The following PTBP3 variants were observed in gnomAD, a reference collection of about 807,000 sequenced individuals.
The protein encoded by PTBP3 is polypyrimidine tract binding protein 3.
In PTBP3, 20 loss-of-function variants were observed where a neutral mutation model predicts 58.7. The observed-to-expected ratio is 0.34, with a 90% CI of 0.24 to 0.50. PTBP3 has a LOEUF of 0.50. PTBP3 is among the 20% of genes least tolerant of loss of function. PTBP3 has a pLI of 0.98. For missense variants in PTBP3, 509 were observed against 637.2 expected, an observed-to-expected ratio of 0.80 and a Z score of 2.17; for synonymous variants, 185 against 219.8, an observed-to-expected ratio of 0.84 and a Z score of 1.40.
intron 12 of PTBP3, 118 bp downstream of exon 12, chr9:112,227,293 A>G: frequency 9.8e-7 from 1 of 1,018,136 alleles, no homozygotes; most frequent in Non-Finnish European, 1.5e-6. Flanking sequence ...GTCTTATCAG[A>G]AACTGTTGAC....
Position 112,220,147 on chromosome 9 carries a change from G to A in PTBP3, c.*3704C>T, listed in dbSNP as rs765379407. 3.8e-6 allele frequency: 5 copies of A among 1,308,802 alleles called. No individual in the cohort carries two copies. Among genetic ancestry groups the A allele is most frequent in the South Asian group, 1.2e-5 (1 of 82,146 alleles). 81.1% of individuals were successfully genotyped at this position (1,308,802 alleles called of 1,614,324 possible). A position where few individuals can be genotyped will look rare whatever the true frequency, so the allele number is the denominator to read the frequency against. ...ACACATTAGGTTTTCTAAGGGATAG[G>A]TGGGGAAAAACACATGTACTTTTGT... On this transcript the variant is annotated 3_prime_UTR_variant, in exon 14 of 14. Transcript: ENST00000374257.
At chr9:112,354,826 T>C in the PTBP3 span, among the ~76,000 whole-genome samples, 341 of 152,266 alleles carry the variant, frequency 2.2e-3, no homozygotes, top group Non-Finnish European at 3.2e-3. Context: ...AACTAGAAGA[T>C]AAAAAAGAGC....
intron 1 of PTBP3, among the ~76,000 whole-genome samples, chr9:112,321,539 AAAAG>A (rs1383064183): frequency 4.6e-5 from 7 of 151,322 alleles, no homozygotes; most frequent in Non-Finnish European, 1.0e-4. Flanking sequence ...AAAAAAAAAA[AAAAG>A]AAAGAAAGAA....
intron 2 of PTBP3, chr9:112,281,437 T>A (rs1032805089): frequency 6.6e-6 from 1 of 152,260 alleles, no homozygotes; most frequent in Non-Finnish European, 1.5e-5. Flanking sequence ...TGTACTCTGC[T>A]CTCACACTGC....
At chr9:112,299,723 C>T (rs1009227042) in intron 1 of PTBP3, among the ~76,000 whole-genome samples, 1 of 152,172 alleles carries the variant, frequency 6.6e-6, no homozygotes, top group East Asian at 1.9e-4. Context: ...TCCCTCCCCC[C>T]ATTGACAACA....
chr9:112,227,165 C>G (rs539264536), intron 12 of PTBP3, among the ~76,000 whole-genome samples: 1 of 152,116 alleles, frequency 6.6e-6, no homozygotes, highest in Non-Finnish European at 1.5e-5. Context: ...CCTTTGATCA[C>G]TGAAAAATAA....
the PTBP3 span, among the ~76,000 whole-genome samples, chr9:112,352,288 G>A: frequency 6.6e-6 from 1 of 152,062 alleles, no homozygotes; most frequent in Non-Finnish European, 1.5e-5. Flanking sequence ...ATTGTTACTG[G>A]AATTAAGGTT....
chr9:112,332,400 C>T (rs1367437140), intron 1 of PTBP3, among the ~76,000 whole-genome samples: 1 of 152,080 alleles, frequency 6.6e-6, no homozygotes, highest in African/African-American at 2.4e-5. Context: ...AATAGCATAT[C>T]ATCAACTGTA....
At chr9:112,310,336 A>G (rs1208550386) in intron 1 of PTBP3, among the ~76,000 whole-genome samples, 1 of 152,216 alleles carries the variant, frequency 6.6e-6, no homozygotes, top group Non-Finnish European at 1.5e-5. Flanking sequence ...TGAAGACAGC[A>G]TATTGAATAT....
At chr9:112,260,928 G>A (rs539129032) in intron 5 of PTBP3, among the ~76,000 whole-genome samples, 5 of 152,322 alleles carry the variant, frequency 3.3e-5, no homozygotes, top group African/African-American at 1.2e-4. Flanking sequence ...TTGTTACTGT[G>A]GTTAGGGAGA....
Position 112,305,358 on chromosome 9 carries a change from T to C in PTBP3, c.-51-7442A>G, listed in dbSNP as rs976564308. On this transcript the variant is annotated intron_variant, in intron 1 of 13. Coordinates refer to ENST00000374257, the MANE Select transcript of PTBP3 (RefSeq NM_001163788.4). ...GAAAGATCGACAATGTGATTTAGGG[T>C]AGGAGCTTTGGGTCACACCTGAAGG... Among the ~76,000 whole-genome samples the C allele has an allele frequency of 3.3e-5, 5 of 150,976 alleles. No individual in the cohort carries two copies. The East Asian group carries it at 9.7e-4, about 29-fold the overall frequency.
chr9:112,277,186 A>G (rs1045885468), intron 2 of PTBP3, among the ~76,000 whole-genome samples: 2 of 152,112 alleles, frequency 1.3e-5, no homozygotes, highest in Non-Finnish European at 2.9e-5. Context: ...CTTGCTCCCA[A>G]ATTCTCTATG....
At chr9:112,379,841 G>A in the PTBP3 span, 2 of 509,116 alleles carry the variant, frequency 3.9e-6, no homozygotes, top group Non-Finnish European at 6.9e-6. Flanking sequence ...CTGCCCAGAC[G>A]CTAGGCGCCG....
intron 7 of PTBP3, among the ~76,000 whole-genome samples, chr9:112,235,165 G>A (rs1027453818): frequency 1.3e-5 from 2 of 151,984 alleles, no homozygotes; most frequent in Admixed American, 6.6e-5. Context: ...CTTATTTAGA[G>A]CAATATTTCA....
chr9:112,320,291 A>AAAAAAAAATATATATATATAT (rs1411646280), intron 1 of PTBP3, among the ~76,000 whole-genome samples: 1 of 73,566 alleles, frequency 1.4e-5, no homozygotes, highest in African/African-American at 9.0e-5. Flanking sequence ...AAAAAAAAAA[A>AAAAAAAAATATATATATATAT]ATATATATAT....
chr9:112,364,628 GTC>G, the PTBP3 span, among the ~76,000 whole-genome samples: 1 of 152,130 alleles, frequency 6.6e-6, no homozygotes, highest in African/African-American at 2.4e-5. Context: ...GCAAGACCCT[GTC>G]TCTATTTTTA....
intron 1 of PTBP3, among the ~76,000 whole-genome samples, chr9:112,321,843 CCA>C (rs1250743150): frequency 6.6e-6 from 1 of 152,024 alleles, no homozygotes; most frequent in Non-Finnish European, 1.5e-5. Flanking sequence ...GAACCCTACA[CCA>C]AGTTCTCAAG....
At chr9:112,349,758 G>A in the PTBP3 span, among the ~76,000 whole-genome samples, 2 of 149,776 alleles carry the variant, frequency 1.3e-5, no homozygotes, top group Non-Finnish European at 3.0e-5. Flanking sequence ...CAGCTACTCG[G>A]CAGGCTGAGG....
chr9:112,326,634 C>A (rs577299839), intron 1 of PTBP3, among the ~76,000 whole-genome samples: 2 of 152,266 alleles, frequency 1.3e-5, no homozygotes, highest in Admixed American at 1.3e-4. Context: ...ATAGGAAAAC[C>A]CAGAAAAAGT....
Sources: gnomAD v4.1 joint callset for allele counts (sites outside exome capture counted in the v4.1 genomes callset) on GRCh38, gnomAD v4.1.1 for gene constraint, MANE v1.5 for transcripts, NCBI Gene and HGNC (gene_info 2026-07-23, HGNC 2026-07-21) for gene names.